DNM2: variants seen among roughly 807,000 people sequenced by gnomAD.
DNM2 encodes dynamin-2.
DNM2 carries 15 observed loss-of-function variants against 99.0 expected under a neutral mutation model. That is an observed-to-expected ratio of 0.15 (90% CI 0.10 to 0.23). The LOEUF is 0.23. Among genes scored for constraint, DNM2 ranks in the 10% least tolerant of loss-of-function variants. DNM2 has a pLI of 1.00. For synonymous variants in DNM2, 525 were observed against 481.2 expected (o/e 1.09, Z -1.19); for missense variants, 742 against 1,189.4 (o/e 0.62, Z 5.53).
Position 10,820,198 on chromosome 19 carries a change from C to A in DNM2, c.1781+109C>A. On this transcript the variant is annotated intron_variant, in intron 16 of 20. Coordinates refer to ENST00000389253, the MANE Select transcript of DNM2 (RefSeq NM_001005361.3). This position sits in a 1 kb window ranked among gnomAD's most constrained non-coding sequence, Gnocchi z 4.3. ...GCACCTGGCTGTCAGCAGTCCCTGCCCTTGGGACCCAGCTTTTAGAAAGGG... is the reference window on the plus strand; with the variant it reads ...GCACCTGGCTGTCAGCAGTCCCTGCACTTGGGACCCAGCTTTTAGAAAGGG... 2 of 1,043,666 alleles carry A rather than the reference C, an allele frequency of 1.9e-6. No individual in the cohort carries two copies. Among genetic ancestry groups the A allele is most frequent in the Non-Finnish European group, 3.0e-6 (2 of 677,592 alleles). The allele number at this position is 1,043,666 out of a possible 1,614,324, so 64.7% of individuals were successfully genotyped here.
chr19:10,787,311 A>G (rs2071594196), intron 7 of DNM2, among the ~76,000 whole-genome samples: 1 of 152,064 alleles, frequency 6.6e-6, no homozygotes, highest in South Asian at 2.1e-4. Flanking sequence ...CCAAAAAAAA[A>G]ATACAAAAAA....
rs778564338 is a variant in DNM2 at position 10,831,188 on chromosome 19, G to C, written c.*141G>C. The C allele has an allele frequency of 1.8e-5, 25 of 1,405,752 alleles. No homozygotes were observed. Among genetic ancestry groups the C allele is most frequent in the Non-Finnish European group, 2.2e-5 (24 of 1,083,568 alleles). 87.1% of individuals were successfully genotyped at this position (1,405,752 alleles called of 1,614,324 possible). ...TGGCCTCTTCCTTAACGCTGGCCCC[G>C]GTCCAGGGCCGGCCCCTGTGCCTGG... On this transcript the variant is annotated 3_prime_UTR_variant, in exon 21 of 21. Coordinates refer to ENST00000389253, the MANE Select transcript of DNM2 (RefSeq NM_001005361.3). This position sits in a 1 kb window ranked among gnomAD's most constrained non-coding sequence, Gnocchi z 4.3.
At chr19:10,751,508 C>T (rs543016431) in intron 1 of DNM2, among the ~76,000 whole-genome samples, 4 of 152,260 alleles carry the variant, frequency 2.6e-5, no homozygotes, top group African/African-American at 9.6e-5. Flanking sequence ...CTGGAAGGCT[C>T]CAAGTACTCC....
At chr19:10,747,800 C>A (rs1451494754) in intron 1 of DNM2, among the ~76,000 whole-genome samples, 1 of 151,874 alleles carries the variant, frequency 6.6e-6, no homozygotes, top group Non-Finnish European at 1.5e-5. Flanking sequence ...CGGAAGATGC[C>A]AGTTGTGAGT....
intron 1 of DNM2, among the ~76,000 whole-genome samples, chr19:10,755,825 G>A (rs893340320): frequency 4.0e-5 from 6 of 151,854 alleles, no homozygotes; most frequent in Admixed American, 6.6e-5. Context: ...CCCCACACCC[G>A]GTTAATTTTT....
At chr19:10,743,360 G>A (rs953989457) in intron 1 of DNM2, among the ~76,000 whole-genome samples, 3 of 152,044 alleles carry the variant, frequency 2.0e-5, no homozygotes, top group Non-Finnish European at 4.4e-5. Flanking sequence ...TGGGAAGGAA[G>A]CACAGGTGCT....
chr19:10,772,983 T>C lies in DNM2; in HGVS notation c.385+355T>C, dbSNP rs2071030179. Among the ~76,000 whole-genome samples, 1 of 149,260 alleles carries C rather than the reference T, an allele frequency of 6.7e-6. No individual in the cohort carries two copies. The highest frequency in any genetic ancestry group is 1.5e-5 in the Non-Finnish European group (1 of 67,204). ...GTCTTCTGTAAAATATCCTGGGTTT[T>C]TTTTTTTTTTTTTTGAGACAGAGTC... On this transcript the variant is annotated intron_variant, in intron 3 of 20. Coordinates refer to ENST00000389253, the MANE Select transcript of DNM2 (RefSeq NM_001005361.3). The surrounding 1 kb of genome is among the most constrained non-coding windows in gnomAD (Gnocchi z 4.9).
At chr19:10,766,867 CCCAGGG>C (rs2070814237) in intron 2 of DNM2, among the ~76,000 whole-genome samples, 1 of 152,108 alleles carries the variant, frequency 6.6e-6, no homozygotes, top group South Asian at 2.1e-4. Flanking sequence ...CCTCAGAGTC[CCCAGGG>C]CCTGATCACA....
intron 10 of DNM2, 27 bp downstream of exon 10, chr19:10,797,545 A>G (rs1390630611): frequency 6.2e-7 from 1 of 1,612,424 alleles, no homozygotes; most frequent in Admixed American, 1.7e-5. Context: ...TCATCTCCGC[A>G]TTTGTCCCCG....
rs1052456652 is a variant in DNM2, at chr19:10,824,184, T to C, written c.1893+285T>C. 360 of 443,894 alleles carry C rather than the reference T, an allele frequency of 8.1e-4. 2 individuals carry two copies. The highest frequency in any genetic ancestry group is 4.1e-3 in the Middle Eastern group (6 of 1,456). The allele number at this position is 443,894 out of a possible 1,614,324, so 27.5% of individuals were successfully genotyped here. On this transcript the variant is annotated intron_variant, in intron 17 of 20. Transcript: ENST00000389253. ...CTTCCATCCTGAGGTAGAGTGAACATGGCCACCCTTGGCCCCAATATTAAA... is the reference window on the plus strand; with the variant it reads ...CTTCCATCCTGAGGTAGAGTGAACACGGCCACCCTTGGCCCCAATATTAAA...
intron 12 of DNM2, among the ~76,000 whole-genome samples, chr19:10,803,150 G>A (rs1473123830): frequency 3.9e-5 from 6 of 152,180 alleles, no homozygotes; most frequent in Non-Finnish European, 8.8e-5. Context: ...AGTGCTGGGC[G>A]GGGCCGTGCA....
At position 10,795,870 on chromosome 19, in the gene DNM2, C is replaced by T; in HGVS notation, c.1196+431C>T. The T allele has an allele frequency of 1.2e-6, 1 of 840,326 alleles. No homozygotes were observed. Among genetic ancestry groups the T allele is most frequent in the Admixed American group, 2.0e-5 (1 of 51,276 alleles). The allele number at this position is 840,326 out of a possible 1,614,324, so 52.1% of individuals were successfully genotyped here. A position where few individuals can be genotyped will look rare whatever the true frequency, so the allele number is the denominator to read the frequency against. On this transcript the variant is annotated intron_variant, in intron 9 of 20. Transcript: ENST00000389253. The surrounding 1 kb of genome is among the most constrained non-coding windows in gnomAD (Gnocchi z 4.2). Reference sequence around the variant, plus strand: ...TAACAAAGGTAGTTGCTCCAGGTGTCTGCCCTTCCATCGCCGTGGGGTCCT... The same window carrying T: ...TAACAAAGGTAGTTGCTCCAGGTGTTTGCCCTTCCATCGCCGTGGGGTCCT...
chr19:10,831,116 G>GC lies in DNM2; in HGVS notation c.*72dup. The GC allele has an allele frequency of 6.6e-7, 1 of 1,512,068 alleles. No homozygotes were observed. Among genetic ancestry groups the GC allele is most frequent in the Non-Finnish European group, 8.8e-7 (1 of 1,130,048 alleles). The allele number at this position is 1,512,068 out of a possible 1,614,324, so 93.7% of individuals were successfully genotyped here. On this transcript the variant is annotated 3_prime_UTR_variant, in exon 21 of 21. Coordinates refer to ENST00000389253, the MANE Select transcript of DNM2 (RefSeq NM_001005361.3). The surrounding 1 kb of genome is among the most constrained non-coding windows in gnomAD (Gnocchi z 4.3). ...GGCGCAGGAGCTTCAGTGGTCTGGG[G>GC]CCCTCCGCCGCCCCTATGCTGGGAC... is the stretch of plus-strand genomic sequence containing the variant.
chr19:10,773,087 A>T (rs1475361223), intron 3 of DNM2, among the ~76,000 whole-genome samples: 1 of 138,526 alleles, frequency 7.2e-6, no homozygotes, highest in East Asian at 2.1e-4. Context: ...TCAAGCAATT[A>T]TTGTGCCTCA....
intron 11 of DNM2, among the ~76,000 whole-genome samples, chr19:10,801,557 A>G (rs776915060): frequency 6.9e-5 from 10 of 144,032 alleles, no homozygotes; most frequent in Non-Finnish European, 1.4e-4. Flanking sequence ...GTTTGAGGCT[A>G]TGATTGTTCT....
In DNM2 at chr19:10,831,874, A is replaced by G; in HGVS notation, c.*827A>G. The G allele has an allele frequency of 4.9e-6, 5 of 1,023,194 alleles. No individual in the cohort carries two copies. The highest frequency in any genetic ancestry group is 5.9e-6 in the Non-Finnish European group (5 of 852,292). The allele number at this position is 1,023,194 out of a possible 1,614,324, so 63.4% of individuals were successfully genotyped here. On this transcript the variant is annotated 3_prime_UTR_variant, in exon 21 of 21. Transcript: ENST00000389253. The surrounding 1 kb of genome is among the most constrained non-coding windows in gnomAD (Gnocchi z 4.3). The stretch of plus-strand genomic sequence containing the variant: ...GCCTGCACTCTGTATTCTATTAATA[A>G]ACTAAAATAAAGGGAAGACGCTGCT...
Position 10,772,358 on chromosome 19 carries a change from C to T in DNM2, c.236-121C>T, listed in dbSNP as rs2071011743. 12 of 1,329,334 alleles carry T rather than the reference C, an allele frequency of 9.0e-6. No individual in the cohort carries two copies. The highest frequency in any genetic ancestry group is 5.9e-5 in the South Asian group (5 of 84,432). 82.3% of individuals were successfully genotyped at this position (1,329,334 alleles called of 1,614,324 possible). Reference sequence around the variant, plus strand: ...CCTCCCAAAGTGCTGGGATTACAGGCGTGAGCTACTGTGCCCAGCCTGGGT... The same window carrying T: ...CCTCCCAAAGTGCTGGGATTACAGGTGTGAGCTACTGTGCCCAGCCTGGGT... On this transcript the variant is annotated intron_variant, in intron 2 of 20. Coordinates refer to ENST00000389253, the MANE Select transcript of DNM2 (RefSeq NM_001005361.3). This position sits in a 1 kb window ranked among gnomAD's most constrained non-coding sequence, Gnocchi z 4.9.
chr19:10,774,960 A>G (rs1047799156), intron 3 of DNM2, among the ~76,000 whole-genome samples: 1 of 151,166 alleles, frequency 6.6e-6, no homozygotes, highest in Non-Finnish European at 1.5e-5. Flanking sequence ...TGGTAGAGGT[A>G]GGGTTTCGCC....
In DNM2 at chr19:10,765,081, C is replaced by T. The variant is rs1310060922; in HGVS notation, c.235+5270C>T. Among the ~76,000 whole-genome samples the T allele has an allele frequency of 2.6e-5, 4 of 151,984 alleles. No homozygotes were observed. The highest frequency in any genetic ancestry group is 2.1e-4 in the South Asian group (1 of 4,826). ...CACACCATGCTCCTGTCTCAGCCTC[C>T]GGCGTAGCTGGGACTACAGGCGCCC... On this transcript the variant is annotated intron_variant, in intron 2 of 20. Coordinates refer to ENST00000389253, the MANE Select transcript of DNM2 (RefSeq NM_001005361.3). This position sits in a 1 kb window ranked among gnomAD's most constrained non-coding sequence, Gnocchi z 4.4.
Sources: gnomAD v4.1 joint callset for allele counts (sites outside exome capture counted in the v4.1 genomes callset) on GRCh38, gnomAD v4.1.1 for gene constraint, Gnocchi (gnomAD v3.1) non-coding constraint, MANE v1.5 for transcripts, NCBI Gene and HGNC (gene_info 2026-07-23, HGNC 2026-07-21) for gene names.